The following C17orf78 variants were observed in gnomAD, a reference collection of about 807,000 sequenced individuals.
The protein encoded by C17orf78 is uncharacterized protein C17orf78.
Under a neutral mutation model 31.8 loss-of-function variants are expected in C17orf78, and 27 were observed. The ratio of observed to expected loss-of-function variants is 0.85; its 90% CI spans 0.63 to 1.17. The LOEUF (loss-of-function observed/expected upper bound fraction) is 1.17, where lower values mean the gene tolerates loss of function less well. C17orf78 is among the 50% of genes most tolerant of loss of function. The pLI, the probability that C17orf78 is intolerant of heterozygous loss-of-function variation, is 0.00. For missense variants in C17orf78, 258 were observed against 315.2 expected, an observed-to-expected ratio of 0.82 and a Z score of 1.37; for synonymous variants, 106 against 115.1, an observed-to-expected ratio of 0.92 and a Z score of 0.51.
chr17:37,382,221 G>A (rs2050324584), intron 3 of C17orf78, among the ~76,000 whole-genome samples: 1 of 152,042 alleles, frequency 6.6e-6, no homozygotes, highest in Admixed American at 6.6e-5. Context: ...CTAGAGGTTG[G>A]TTCCATTGTG....
intron 6 of C17orf78, among the ~76,000 whole-genome samples, chr17:37,390,330 A>ATATTATATATATATATATATATATC (rs1555672373): frequency 9.6e-5 from 4 of 41,580 alleles, no homozygotes; most frequent in African/African-American, 5.1e-4. Context: ...ATATATATAT[A>ATATTATATATATATATATATATATC]TATAAAAGGC....
At chr17:37,381,915 CTG>C (rs1568082458) in intron 3 of C17orf78, among the ~76,000 whole-genome samples, 48 of 152,318 alleles carry the variant, frequency 3.2e-4, no homozygotes, top group South Asian at 2.1e-3. Flanking sequence ...GCGTGAGCCA[CTG>C]CACCCGGCCA....
chr17:37,377,823 T>G (rs1341331339), intron 1 of C17orf78, 56 bp from the exon 2 acceptor site: 26 of 1,415,310 alleles, frequency 1.8e-5, no homozygotes, highest in Non-Finnish European at 2.4e-5. Context: ...ACCAGTAAAT[T>G]CTGATTTTCC....
intron 6 of C17orf78, among the ~76,000 whole-genome samples, chr17:37,391,302 C>T (rs184624830): frequency 2.0e-5 from 3 of 152,256 alleles, no homozygotes; most frequent in African/African-American, 7.2e-5. Context: ...TACAGAAATC[C>T]TGGAAAGTAG....
chr17:37,381,818 G>A (rs146328666), intron 3 of C17orf78, among the ~76,000 whole-genome samples: 2,450 of 151,038 alleles, frequency 0.016, 69 homozygotes, highest in East Asian at 0.044. Context: ...TGGTAGAGAT[G>A]GGGTTTCACC....
intron 1 of C17orf78, 98 bp downstream of exon 1, chr17:37,376,248 C>A: frequency 3.0e-6 from 3 of 1,011,168 alleles, no homozygotes; most frequent in East Asian, 2.4e-5. Flanking sequence ...AGCTGATATC[C>A]AGCAAGCAAT....
chr17:37,377,846 C>T lies in C17orf78; in HGVS notation c.59-33C>T, dbSNP rs201523734. Reference sequence around the variant, plus strand: ...ATTCTGATTTTCCCCAAACCTTCCCCGGTTCCCCTCCTCCCCCTCTGCTCA... The same window carrying T: ...ATTCTGATTTTCCCCAAACCTTCCCTGGTTCCCCTCCTCCCCCTCTGCTCA... On this transcript the variant is annotated intron_variant, in intron 1 of 6. Coordinates refer to ENST00000615133, the MANE Select transcript of C17orf78 (RefSeq NM_173625.5). 50 of 1,562,408 alleles carry T rather than the reference C, an allele frequency of 3.2e-5. No homozygotes were observed. In the African/African-American group the frequency reaches 4.3e-4, roughly 14 times the overall value.
At position 37,388,761 on chromosome 17, in the gene C17orf78, T is replaced by G. The variant is rs1171823192; in HGVS notation, c.600T>G (p.Ile200Met). 6.2e-7 allele frequency: 1 copy of G among 1,613,162 alleles called. No homozygotes were observed. Residue 200 changes from isoleucine (I) to methionine (M), a missense_variant, in exon 5 of 7, where the codon ATT (isoleucine) becomes ATG (methionine). Physicochemically the swap from Ile to Met is conservative, Grantham distance 10. Transcript: ENST00000615133. ...AVTLLLSGVA[I>M]IVFVIFEVPC... ...CCCTGTTGCTCAGTGGAGTTGCCAT[T>G]ATAGTATTTGTAATTTTTGAAGTCC... is the stretch of plus-strand genomic sequence containing the variant.
In C17orf78 at chr17:37,389,433, A is replaced by T. The variant is rs151167081; in HGVS notation, c.750+71A>T. On this transcript the variant is annotated intron_variant, in intron 6 of 6. Transcript: ENST00000615133. The stretch of plus-strand genomic sequence containing the variant: ...GGGTAGGGGCCGGGCGTGGTGGCTC[A>T]CACCTCTATTCCCAGCACTTTGAGA... 9.9e-4 allele frequency: 1,504 copies of T among 1,526,276 alleles called. 13 individuals are homozygous for T. The African/African-American group carries it at 0.018, about 18-fold the overall frequency. The allele number at this position is 1,526,276 out of a possible 1,614,324, so 94.5% of individuals were successfully genotyped here. A position where few individuals can be genotyped will look rare whatever the true frequency, so the allele number is the denominator to read the frequency against.
At chr17:37,390,317 T>TATATA (rs1254105888) in intron 6 of C17orf78, among the ~76,000 whole-genome samples, 1 of 51,070 alleles carries the variant, frequency 2.0e-5, no homozygotes, top group Non-Finnish European at 3.1e-5. Context: ...TATATATATA[T>TATATA]ATATATATAT....
intron 3 of C17orf78, among the ~76,000 whole-genome samples, chr17:37,384,993 C>A (rs1236792260): frequency 1.3e-5 from 2 of 152,192 alleles, no homozygotes; most frequent in African/African-American, 4.8e-5. Context: ...TAGGTCAATT[C>A]TGGAGACGAG....
At chr17:37,387,367 C>G (rs564205317) in intron 4 of C17orf78, 4 of 152,054 alleles carry the variant, frequency 2.6e-5, no homozygotes, top group African/African-American at 9.6e-5. Flanking sequence ...ATCCGCCTGC[C>G]TCAGCCTCCC....
At chr17:37,376,297 A>G (rs2049999906) in intron 1 of C17orf78, 147 bp downstream of exon 1, 1 of 641,224 alleles carries the variant, frequency 1.6e-6, no homozygotes, top group Admixed American at 2.6e-5. Context: ...CTCGCCTCTA[A>G]GAAGGACTGC....
chr17:37,389,013 T>TAGTTATAAAG (rs1456966515), intron 5 of C17orf78, among the ~76,000 whole-genome samples: 1 of 152,164 alleles, frequency 6.6e-6, no homozygotes, highest in Non-Finnish European at 1.5e-5. Flanking sequence ...CCTCTCATGG[T>TAGTTATAAAG]AGTTATAAAG....
At chr17:37,390,321 T>TATATATATATAC (rs2050807454) in intron 6 of C17orf78, among the ~76,000 whole-genome samples, 1 of 46,602 alleles carries the variant, frequency 2.1e-5, no homozygotes. Flanking sequence ...TATATATATA[T>TATATATATATAC]ATATATATAT....
chr17:37,379,114 C>A, intron 2 of C17orf78, 23 bp from the exon 3 acceptor site: 1 of 1,593,076 alleles, frequency 6.3e-7, no homozygotes, highest in Non-Finnish European at 8.5e-7. Context: ...CTCCATTTTT[C>A]TATCTGGTTC....
At chr17:37,377,638 C>T (rs537226978) in intron 1 of C17orf78, among the ~76,000 whole-genome samples, 3 of 150,132 alleles carry the variant, frequency 2.0e-5, no homozygotes, top group Admixed American at 6.7e-5. Context: ...CCATCCTGGG[C>T]GACAGAGTGA....
Position 37,384,692 on chromosome 17 carries a change from T to C in C17orf78, c.392-1317T>C, listed in dbSNP as rs192119323. On this transcript the variant is annotated intron_variant, in intron 3 of 6. Transcript: ENST00000615133. ...GACTAGCACTATGATGAAAATGTTC[T>C]TGTTTTTTCTTTTGAACTTGTTGAC... is the stretch of plus-strand genomic sequence containing the variant. 9.2e-4 allele frequency among the ~76,000 whole-genome samples: 140 copies of C among 152,362 alleles called. 1 individual carries two copies. Among genetic ancestry groups the C allele is most frequent in the African/African-American group, 3.1e-3 (130 of 41,600 alleles).
chr17:37,385,192 C>A (rs1241226575), intron 3 of C17orf78, among the ~76,000 whole-genome samples: 1 of 152,170 alleles, frequency 6.6e-6, no homozygotes, highest in East Asian at 1.9e-4. Flanking sequence ...CAAGGCCAGG[C>A]TGGGCACAGT....
Sources: allele counts gnomAD v4.1 joint callset (sites outside exome capture counted in the v4.1 genomes callset), GRCh38; gene constraint gnomAD v4.1.1; transcripts MANE v1.5; gene names NCBI Gene and HGNC (gene_info 2026-07-23, HGNC 2026-07-21).